EBF1: variants seen among roughly 807,000 people sequenced by gnomAD.
EBF1 encodes EBF transcription factor 1, also known as transcription factor COE1.
A neutral mutation model predicts 68.4 loss-of-function variants in EBF1; 10 were observed. That is an observed-to-expected ratio of 0.15 (90% CI 0.09 to 0.25). The LOEUF is 0.25. Ranked by LOEUF, EBF1 falls within the 10% of genes least tolerant of loss-of-function variation. The pLI is 1.00. For missense variants in EBF1, 509 were observed against 794.4 expected, an observed-to-expected ratio of 0.64 and a Z score of 4.32; for synonymous variants, 298 against 299.8, an observed-to-expected ratio of 0.99 and a Z score of 0.06.
At chr5:158,757,060 C>T (rs1401950067) in intron 10 of EBF1, among the ~76,000 whole-genome samples, 2 of 151,980 alleles carry the variant, frequency 1.3e-5, no homozygotes, top group African/African-American at 2.4e-5. Context: ...GAGCTTGCCT[C>T]CTTGTGGCTA....
At chr5:159,070,229 A>G (rs1478931945) in intron 6 of EBF1, among the ~76,000 whole-genome samples, 1 of 152,154 alleles carries the variant, frequency 6.6e-6, no homozygotes, top group African/African-American at 2.4e-5. Flanking sequence ...TTGGCACCAC[A>G]CAGAAATGTA....
At chr5:158,939,540 T>C (rs1233515879) in intron 6 of EBF1, among the ~76,000 whole-genome samples, 2 of 152,148 alleles carry the variant, frequency 1.3e-5, no homozygotes, top group Non-Finnish European at 2.9e-5. Context: ...TGAAATTTAG[T>C]TAAAAGGGAA....
chr5:159,030,722 T>C (rs1423923422), intron 6 of EBF1, among the ~76,000 whole-genome samples: 1 of 152,136 alleles, frequency 6.6e-6, no homozygotes, highest in Non-Finnish European at 1.5e-5. Context: ...ATTAAAGGAA[T>C]ATAAGGCTGA....
chr5:159,025,755 A>G (rs1256706169), intron 6 of EBF1, among the ~76,000 whole-genome samples: 1 of 152,186 alleles, frequency 6.6e-6, no homozygotes, highest in Non-Finnish European at 1.5e-5. Context: ...ATGTATCTCA[A>G]CAGGTCTGCC....
At chr5:158,781,684 CTTTA>C (rs1046228074) in intron 9 of EBF1, among the ~76,000 whole-genome samples, 14 of 152,072 alleles carry the variant, frequency 9.2e-5, no homozygotes, top group African/African-American at 3.4e-4. Flanking sequence ...CTTTTTCTTC[CTTTA>C]TTTTTCTTCA....
chr5:158,972,233 T>C (rs569207553), intron 6 of EBF1, among the ~76,000 whole-genome samples: 10 of 152,170 alleles, frequency 6.6e-5, no homozygotes, highest in Admixed American at 2.0e-4. Flanking sequence ...TGCTCTTCCA[T>C]CTACCCAGCT....
At chr5:158,912,331 A>C (rs1025758553) in intron 6 of EBF1, among the ~76,000 whole-genome samples, 1 of 152,246 alleles carries the variant, frequency 6.6e-6, no homozygotes, top group Middle Eastern at 3.2e-3. Flanking sequence ...TATAATCCAG[A>C]GCTTTGCCCA....
At chr5:158,914,170 AT>A (rs561063439) in intron 6 of EBF1, among the ~76,000 whole-genome samples, 176 of 151,996 alleles carry the variant, frequency 1.2e-3, no homozygotes, top group Admixed American at 3.2e-3. Context: ...TCTTACATGC[AT>A]TTTTTTTCCT....
intron 10 of EBF1, among the ~76,000 whole-genome samples, chr5:158,748,950 T>C (rs1768181408): frequency 6.6e-6 from 1 of 152,140 alleles, no homozygotes; most frequent in Non-Finnish European, 1.5e-5. Flanking sequence ...ATATTTGGCC[T>C]GTTTGAAAGT....
At chr5:158,764,449 G>A (rs1289945893) in intron 10 of EBF1, among the ~76,000 whole-genome samples, 1 of 152,106 alleles carries the variant, frequency 6.6e-6, no homozygotes, top group African/African-American at 2.4e-5. Context: ...ACATTTGTCA[G>A]TCATTCCTTC....
At chr5:158,701,799 T>C (rs1217791284) in intron 15 of EBF1, among the ~76,000 whole-genome samples, 2 of 152,154 alleles carry the variant, frequency 1.3e-5, no homozygotes, top group Non-Finnish European at 2.9e-5. Context: ...AATATATGGG[T>C]CTAGGGGGTG....
intron 6 of EBF1, among the ~76,000 whole-genome samples, chr5:159,025,581 C>T (rs1350158352): frequency 2.0e-5 from 3 of 152,190 alleles, no homozygotes; most frequent in Non-Finnish European, 4.4e-5. Context: ...TGGTATTTGA[C>T]AGCTTAACAC....
intron 6 of EBF1, among the ~76,000 whole-genome samples, chr5:158,954,148 C>G (rs989427256): frequency 2.0e-5 from 3 of 152,168 alleles, no homozygotes; most frequent in Non-Finnish European, 4.4e-5. Context: ...ATTCTGTTCA[C>G]AGCTTTCTTC....
intron 6 of EBF1, among the ~76,000 whole-genome samples, chr5:158,929,356 A>C (rs762270813): frequency 2.0e-5 from 3 of 152,240 alleles, no homozygotes; most frequent in Non-Finnish European, 4.4e-5. Context: ...GTCTGTCCAC[A>C]GTACAGATAA....
intron 10 of EBF1, among the ~76,000 whole-genome samples, chr5:158,774,867 G>A (rs1267225578): frequency 6.6e-6 from 1 of 151,912 alleles, no homozygotes; most frequent in African/African-American, 2.4e-5. Flanking sequence ...ATGATGTGAT[G>A]TCACAATAAC....
intron 10 of EBF1, among the ~76,000 whole-genome samples, chr5:158,732,261 A>G (rs1764250359): frequency 6.6e-6 from 1 of 152,242 alleles, no homozygotes; most frequent in Non-Finnish European, 1.5e-5. Flanking sequence ...CGTTTTGCTT[A>G]AAATGCATTT....
intron 6 of EBF1, among the ~76,000 whole-genome samples, chr5:158,913,492 A>C (rs554244837): frequency 3.0e-4 from 46 of 152,278 alleles, no homozygotes; most frequent in Middle Eastern, 3.4e-3. Context: ...TCTCGATCCT[A>C]GTGATTCCAG....
chr5:159,093,924 T>C (rs1782078522), intron 4 of EBF1, among the ~76,000 whole-genome samples: 2 of 151,700 alleles, frequency 1.3e-5, no homozygotes, highest in Non-Finnish European at 2.9e-5. Context: ...GTGCCTTTTA[T>C]CTTTTAGAAA....
At chr5:158,713,696 C>T (rs1759988108) in intron 12 of EBF1, among the ~76,000 whole-genome samples, 4 of 152,196 alleles carry the variant, frequency 2.6e-5, no homozygotes, top group Non-Finnish European at 5.9e-5. Flanking sequence ...GTTTCCTAAG[C>T]TATGTGAATC....
Sources: gnomAD v4.1 joint callset for allele counts (sites outside exome capture counted in the v4.1 genomes callset) on GRCh38, gnomAD v4.1.1 for gene constraint, MANE v1.5 for transcripts, NCBI Gene and HGNC (gene_info 2026-07-23, HGNC 2026-07-21) for gene names.